The following CCDC178 variants were observed in gnomAD, a reference collection of about 807,000 sequenced individuals.
CCDC178 encodes coiled-coil domain-containing protein 178.
A neutral mutation model predicts 117.4 loss-of-function variants in CCDC178; 126 were observed. That is an observed-to-expected ratio of 1.07 (90% CI 0.93 to 1.24). The LOEUF (loss-of-function observed/expected upper bound fraction) is 1.24, where lower values mean the gene tolerates loss of function less well. CCDC178 is among the 50% of genes most tolerant of loss of function. The pLI is 0.00. For missense variants in CCDC178, 1,030 were observed against 986.9 expected (o/e 1.04, Z -0.59); for synonymous variants, 283 against 313.4 (o/e 0.90, Z 1.02).
intron 22 of CCDC178, among the ~76,000 whole-genome samples, chr18:32,945,945 C>T (rs949825606): frequency 2.0e-5 from 3 of 152,092 alleles, no homozygotes; most frequent in African/African-American, 7.2e-5. Flanking sequence ...TTTACATAGT[C>T]TGTGACTGAA....
chr18:33,362,186 T>TATAC (rs1555692703), intron 6 of CCDC178, among the ~76,000 whole-genome samples: 1 of 11,622 alleles, frequency 8.6e-5, no homozygotes, highest in Non-Finnish European at 1.4e-4. Context: ...TATGTATATA[T>TATAC]ATACATATAT....
intron 15 of CCDC178, among the ~76,000 whole-genome samples, chr18:33,231,511 A>G (rs1408127389): frequency 6.6e-6 from 1 of 152,144 alleles, no homozygotes; most frequent in Admixed American, 6.6e-5. Flanking sequence ...CTTAGCTCCA[A>G]ATCTACTGTT....
At chr18:33,073,390 A>G (rs1470571189) in intron 21 of CCDC178, among the ~76,000 whole-genome samples, 1 of 152,112 alleles carries the variant, frequency 6.6e-6, no homozygotes, top group Non-Finnish European at 1.5e-5. Flanking sequence ...TTCATTTAAA[A>G]GGTTGCATAA....
chr18:33,330,362 C>A (rs2062650579), intron 10 of CCDC178, among the ~76,000 whole-genome samples: 1 of 152,064 alleles, frequency 6.6e-6, no homozygotes, highest in African/African-American at 2.4e-5. Flanking sequence ...CTTTCCCTTG[C>A]ATTGTACACC....
At chr18:33,200,861 C>G (rs2058982851) in intron 20 of CCDC178, among the ~76,000 whole-genome samples, 1 of 152,084 alleles carries the variant, frequency 6.6e-6, no homozygotes, top group African/African-American at 2.4e-5. Flanking sequence ...GCAGGTGTTG[C>G]CTTTGTAATA....
At chr18:33,295,452 G>T (rs1206581382) in intron 11 of CCDC178, among the ~76,000 whole-genome samples, 1 of 151,966 alleles carries the variant, frequency 6.6e-6, no homozygotes, top group Non-Finnish European at 1.5e-5. Flanking sequence ...TAGAATTTTA[G>T]AAAAATTAAG....
chr18:33,073,411 T>C (rs2057143609), intron 21 of CCDC178, among the ~76,000 whole-genome samples: 1 of 152,142 alleles, frequency 6.6e-6, no homozygotes, highest in Admixed American at 6.5e-5. Flanking sequence ...TACTCCATTA[T>C]ATACAAATTC....
At chr18:33,436,166 G>C (rs920368343) in intron 2 of CCDC178, among the ~76,000 whole-genome samples, 10 of 152,100 alleles carry the variant, frequency 6.6e-5, no homozygotes, top group African/African-American at 2.2e-4. Flanking sequence ...TGGGATCATA[G>C]AAAACAAGAG....
chr18:33,076,029 A>G (rs2057200520), intron 21 of CCDC178, among the ~76,000 whole-genome samples: 1 of 152,212 alleles, frequency 6.6e-6, no homozygotes, highest in Admixed American at 6.5e-5. Flanking sequence ...GTGGAGATTA[A>G]GTCTGAAGTT....
intron 21 of CCDC178, among the ~76,000 whole-genome samples, chr18:33,091,321 A>ATT (rs1415932731): frequency 3.3e-4 from 6 of 18,352 alleles, no homozygotes; most frequent in African/African-American, 6.2e-4. Flanking sequence ...CACTTATTTC[A>ATT]TTCTTTTTTT....
chr18:32,954,144 A>G (rs572040387), intron 22 of CCDC178: 48 of 152,296 alleles, frequency 3.2e-4, no homozygotes, highest in African/African-American at 1.1e-3. Flanking sequence ...ATATTTTCCT[A>G]ATGCTGCCCT....
intron 2 of CCDC178, among the ~76,000 whole-genome samples, chr18:33,430,416 T>C (rs143099822): frequency 3.9e-5 from 6 of 152,288 alleles, no homozygotes; most frequent in African/African-American, 1.2e-4. Context: ...TTCTCAGAAA[T>C]AGGAAAACAA....
intron 4 of CCDC178, among the ~76,000 whole-genome samples, chr18:33,394,618 A>G (rs899050754): frequency 3.9e-5 from 6 of 151,952 alleles, no homozygotes; most frequent in African/African-American, 1.4e-4. Flanking sequence ...ACTTCAAGGA[A>G]AATATAAATT....
chr18:33,015,517 A>C (rs1413049060), intron 21 of CCDC178, among the ~76,000 whole-genome samples: 1 of 152,106 alleles, frequency 6.6e-6, no homozygotes. Context: ...GTGAGCCGAG[A>C]TCGCACCACT....
chr18:33,011,382 A>G (rs1001609457), intron 21 of CCDC178, among the ~76,000 whole-genome samples: 1 of 152,158 alleles, frequency 6.6e-6, no homozygotes, highest in African/African-American at 2.4e-5. Context: ...AGCCATTTGC[A>G]TCTGAGGAAG....
At chr18:33,279,229 C>G (rs1396450393) in intron 12 of CCDC178, among the ~76,000 whole-genome samples, 1 of 152,184 alleles carries the variant, frequency 6.6e-6, no homozygotes, top group Non-Finnish European at 1.5e-5. Context: ...CCCAAATCTC[C>G]TTAAGCTGAT....
chr18:33,249,612 G>C (rs907727178), intron 14 of CCDC178, among the ~76,000 whole-genome samples: 1 of 151,992 alleles, frequency 6.6e-6, no homozygotes, highest in South Asian at 2.1e-4. Flanking sequence ...GCTCTGTTCT[G>C]TTCCATTCAG....
chr18:33,281,347 T>TA (rs1247394176), intron 12 of CCDC178, among the ~76,000 whole-genome samples: 1 of 151,912 alleles, frequency 6.6e-6, no homozygotes, highest in African/African-American at 2.4e-5. Flanking sequence ...ATTTTTATCT[T>TA]AAAAAATAAA....
rs1161121078 is a variant in CCDC178, at chr18:32,990,786, T to C, written c.2389-16105A>G. Among the ~76,000 whole-genome samples the C allele has an allele frequency of 2.0e-5, 3 of 151,916 alleles. No individual in the cohort carries two copies. In the East Asian group the frequency reaches 5.8e-4, roughly 29 times the overall value. On this transcript the variant is annotated intron_variant, in intron 21 of 22. Transcript: ENST00000383096. ...TGCTACATATATAATCAACAAAATATTAGCGTCCAGGATTTATGTATAGAT... is the reference window on the plus strand; with the variant it reads ...TGCTACATATATAATCAACAAAATACTAGCGTCCAGGATTTATGTATAGAT...
Sources: gnomAD v4.1 joint callset for allele counts (sites outside exome capture counted in the v4.1 genomes callset) on GRCh38, gnomAD v4.1.1 for gene constraint, MANE v1.5 for transcripts, NCBI Gene and HGNC (gene_info 2026-07-23, HGNC 2026-07-21) for gene names.